BMPR1A: variants seen among roughly 807,000 people sequenced by gnomAD.
BMPR1A encodes the protein bone morphogenetic protein receptor type 1A, also known as bone morphogenetic protein receptor type-1A.
Under a neutral mutation model 66.0 loss-of-function variants are expected in BMPR1A, and 7 were observed. The ratio of observed to expected loss-of-function variants is 0.11; its 90% CI spans 0.06 to 0.20. The LOEUF is 0.20. Among genes scored for constraint, BMPR1A ranks in the 10% least tolerant of loss-of-function variants. The pLI is 1.00. For missense variants in BMPR1A, 408 were observed against 669.1 expected, an observed-to-expected ratio of 0.61 and a Z score of 4.31; for synonymous variants, 200 against 229.7, an observed-to-expected ratio of 0.87 and a Z score of 1.17.
intron 11 of BMPR1A, 27 bp downstream of exon 11, chr10:86,921,722 TG>T: frequency 6.2e-7 from 1 of 1,614,120 alleles, no homozygotes; most frequent in Non-Finnish European, 8.5e-7. Flanking sequence ...TTTCTGATTA[TG>T]TTGATTTACT....
In BMPR1A at chr10:86,912,246, T is replaced by C. The variant is rs1305949468; in HGVS notation, c.537T>C (p.Tyr179=). ...TTTTCTGCTTTTTTAAAAGACATTA[T>C]TGCAAGAGCATCTCAAGCAGACGTC... ...IFSSCFCYKH[Y]CKSISSRRRY... The change falls in exon 8 of 13, where the codon TAT becomes TAC. Residue 179 remains tyrosine (Y), a synonymous_variant. Transcript: ENST00000372037. The C allele has an allele frequency of 6.2e-7, 1 of 1,613,360 alleles. No homozygotes were observed. The highest frequency in any genetic ancestry group is 8.5e-7 in the Non-Finnish European group (1 of 1,179,858).
intron 5 of BMPR1A, among the ~76,000 whole-genome samples, chr10:86,896,472 A>G (rs1302088988): frequency 2.6e-5 from 4 of 152,174 alleles, no homozygotes; most frequent in Non-Finnish European, 5.9e-5. Flanking sequence ...TTATGTACTT[A>G]TCTTTGATGT....
At chr10:86,901,028 G>A (rs734464) in intron 7 of BMPR1A, among the ~76,000 whole-genome samples, 6,030 of 152,302 alleles carry the variant, frequency 0.04, 410 homozygotes, top group African/African-American at 0.14. Flanking sequence ...AAACAGCTTT[G>A]CAGCTTTCAC....
chr10:86,805,461 C>CTTTTTT lies in BMPR1A; in HGVS notation c.-267-33391_-267-33386dup, dbSNP rs1332479141. ...CCTTTACCCTTACTATTTCAGTTTC[C>CTTTTTT]TTTTTTTTTTTTTTTTTTGAGACGG... is the stretch of plus-strand genomic sequence containing the variant. On this transcript the variant is annotated intron_variant, in intron 1 of 12. Transcript: ENST00000372037. Among the ~76,000 whole-genome samples, 49 of 109,048 alleles carry CTTTTTT rather than the reference C, an allele frequency of 4.5e-4. 2 individuals carry two copies. Among genetic ancestry groups the CTTTTTT allele is most frequent in the East Asian group, 6.5e-4 (2 of 3,084 alleles). 71.5% of individuals were successfully genotyped at this position (109,048 alleles called of 152,430 possible).
chr10:86,870,116 C>A (rs1167432578), intron 2 of BMPR1A, among the ~76,000 whole-genome samples: 1 of 152,096 alleles, frequency 6.6e-6, no homozygotes, highest in Non-Finnish European at 1.5e-5. Context: ...TGTTCTGGGG[C>A]CCTCCCCTCT....
chr10:86,919,900 G>A (rs962976307), intron 10 of BMPR1A, among the ~76,000 whole-genome samples: 1 of 151,986 alleles, frequency 6.6e-6, no homozygotes, highest in African/African-American at 2.4e-5. Flanking sequence ...CGGAGATGGG[G>A]TCTCACTGTG....
At chr10:86,899,574 T>A (rs1005183442) in intron 5 of BMPR1A, among the ~76,000 whole-genome samples, 21 of 152,234 alleles carry the variant, frequency 1.4e-4, no homozygotes, top group Admixed American at 5.9e-4. Flanking sequence ...TAATCTAGTG[T>A]CTAACACACC....
intron 1 of BMPR1A, among the ~76,000 whole-genome samples, chr10:86,780,824 G>A (rs1053496599): frequency 6.6e-6 from 1 of 152,186 alleles, no homozygotes; most frequent in Non-Finnish European, 1.5e-5. Flanking sequence ...AATATGACAT[G>A]TAATTTTAAA....
intron 1 of BMPR1A, among the ~76,000 whole-genome samples, chr10:86,784,879 T>C (rs867588229): frequency 2.6e-5 from 4 of 152,142 alleles, no homozygotes; most frequent in Admixed American, 6.5e-5. Context: ...TTTTAATTAT[T>C]TGAGTCTTGT....
intron 1 of BMPR1A, among the ~76,000 whole-genome samples, chr10:86,838,357 A>G (rs998691754): frequency 2.6e-5 from 4 of 152,352 alleles, no homozygotes; most frequent in African/African-American, 7.2e-5. Context: ...TTCCACAGGC[A>G]TAGACCAACC....
intron 10 of BMPR1A, among the ~76,000 whole-genome samples, chr10:86,920,459 G>A (rs1285367568): frequency 1.3e-5 from 2 of 152,158 alleles, no homozygotes; most frequent in African/African-American, 4.8e-5. Context: ...AGAATGGAGT[G>A]GCTGCTTTAC....
chr10:86,815,099 A>C (rs991987889), intron 1 of BMPR1A, among the ~76,000 whole-genome samples: 10 of 152,148 alleles, frequency 6.6e-5, no homozygotes, highest in Non-Finnish European at 1.5e-4. Context: ...CCATTTTCTT[A>C]TAATAACTTC....
chr10:86,804,790 GTGTTTTTTT>G (rs1841864588), intron 1 of BMPR1A, among the ~76,000 whole-genome samples: 1 of 97,500 alleles, frequency 1.0e-5, no homozygotes, highest in Non-Finnish European at 2.1e-5. Context: ...ATGTTTGTAG[GTGTTTTTTT>G]TTTTTTTTTT....
At chr10:86,841,473 G>A (rs770071034) in intron 2 of BMPR1A, among the ~76,000 whole-genome samples, 1 of 152,188 alleles carries the variant, frequency 6.6e-6, no homozygotes, top group Non-Finnish European at 1.5e-5. Flanking sequence ...CCAATGTTAT[G>A]AGAGGAGAGA....
chr10:86,864,231 A>G (rs991446057), intron 2 of BMPR1A, among the ~76,000 whole-genome samples: 4 of 152,096 alleles, frequency 2.6e-5, no homozygotes, highest in Non-Finnish European at 5.9e-5. Flanking sequence ...AGTTTTCTTT[A>G]TCCCCAAAAT....
chr10:86,828,081 G>A (rs1426287777), intron 1 of BMPR1A, among the ~76,000 whole-genome samples: 1 of 152,240 alleles, frequency 6.6e-6, no homozygotes, highest in East Asian at 1.9e-4. Flanking sequence ...GACCTAGGGA[G>A]GTGGAGGTTG....
intron 1 of BMPR1A, among the ~76,000 whole-genome samples, chr10:86,767,627 A>G (rs1341773792): frequency 6.6e-6 from 1 of 152,202 alleles, no homozygotes; most frequent in Non-Finnish European, 1.5e-5. Flanking sequence ...GCAGTGAGCC[A>G]TGATCTTACA....
chr10:86,883,978 G>A (rs892730233), intron 3 of BMPR1A, among the ~76,000 whole-genome samples: 5 of 150,826 alleles, frequency 3.3e-5, no homozygotes, highest in Non-Finnish European at 7.4e-5. Context: ...GGGTTCAAGC[G>A]ATTCTCCTGC....
At chr10:86,888,749 C>T (rs1843104603) in intron 3 of BMPR1A, among the ~76,000 whole-genome samples, 1 of 150,386 alleles carries the variant, frequency 6.6e-6, no homozygotes, top group African/African-American at 2.5e-5. Flanking sequence ...ATCACTTGAG[C>T]CTGGGAGGTT....
Sources: allele counts gnomAD v4.1 joint callset (sites outside exome capture counted in the v4.1 genomes callset), GRCh38; gene constraint gnomAD v4.1.1; transcripts MANE v1.5; gene names NCBI Gene and HGNC (gene_info 2026-07-23, HGNC 2026-07-21).